CETP: variants seen among roughly 807,000 people sequenced by gnomAD.
CETP encodes BPI fold containing family F.
CETP carries 56 observed loss-of-function variants against 66.5 expected under a neutral mutation model. The ratio of observed to expected loss-of-function variants is 0.84; its 90% CI spans 0.68 to 1.05. CETP has a LOEUF of 1.05. Among genes scored for constraint, CETP ranks in the 50% least tolerant of loss-of-function variants. The pLI, the probability that CETP is intolerant of heterozygous loss-of-function variation, is 0.00. For missense variants in CETP, 612 were observed against 609.6 expected, an observed-to-expected ratio of 1.00 and a Z score of -0.04; for synonymous variants, 251 against 245.7, an observed-to-expected ratio of 1.02 and a Z score of -0.20.
intron 10 of CETP, among the ~76,000 whole-genome samples, chr16:56,977,276 T>C (rs2142003307): frequency 6.6e-6 from 1 of 152,272 alleles, no homozygotes; most frequent in African/African-American, 2.4e-5. Context: ...ATCCAGCGGT[T>C]CAGTGGTTTC....
chr16:56,966,264 C>G (rs190712001), intron 2 of CETP, among the ~76,000 whole-genome samples: 1 of 152,284 alleles, frequency 6.6e-6, no homozygotes, highest in African/African-American at 2.4e-5. Context: ...TTCCCCCATT[C>G]CTTGGCTTCC....
At position 56,978,192 on chromosome 16, in the gene CETP, G is replaced by A. The variant is rs749487723; in HGVS notation, c.1083G>A (p.Val361=). The A allele has an allele frequency of 1.2e-6, 2 of 1,614,252 alleles. No homozygotes were observed. The highest frequency in any genetic ancestry group is 4.5e-5 in the East Asian group (2 of 44,888). ...QNKGVVVNSS[V]MVKFLFPRPD... ...AGGGAGTCGTGGTCAATTCTTCAGT[G>A]ATGGTGAAATTCCTCTTTCCACGCC... Residue 361 remains valine (V), a synonymous_variant, in exon 11 of 16, where the codon GTG becomes GTA. Coordinates refer to ENST00000200676, the MANE Select transcript of CETP (RefSeq NM_000078.3).
At chr16:56,981,834 C>T (rs571234263) in intron 13 of CETP, among the ~76,000 whole-genome samples, 154 bp downstream of exon 13, 10 of 152,128 alleles carry the variant, frequency 6.6e-5, no homozygotes, top group Non-Finnish European at 1.2e-4. Context: ...CCTTCTTCTC[C>T]CTGCCATGTC....
At chr16:56,975,895 T>C (rs2056146876) in intron 10 of CETP, among the ~76,000 whole-genome samples, 1 of 152,196 alleles carries the variant, frequency 6.6e-6, no homozygotes, top group Admixed American at 6.5e-5. Context: ...CCCACGTCGC[T>C]GCTCCCAGTC....
chr16:56,976,522 A>G (rs1205742962), intron 10 of CETP, among the ~76,000 whole-genome samples: 1 of 149,928 alleles, frequency 6.7e-6, no homozygotes, highest in Admixed American at 6.7e-5. Context: ...CCCAGGCTGG[A>G]GTGCAGTAGC....
Position 56,969,484 on chromosome 16 carries a change from A to G in CETP, c.332A>G (p.Lys111Arg), listed in dbSNP as rs1301377312. Residue 111 changes from lysine (K) to arginine (R), a missense_variant, in exon 3 of 16, where the codon AAG becomes AGG. Transcript: ENST00000200676. Reference protein sequence around the residue: ...VSIQNVSVVFKGTLKYGYTTA... With the variant: ...VSIQNVSVVFRGTLKYGYTTA... ...ATTCAGAACGTGTCTGTGGTCTTCAAGGGGACCCTGAAGTATGGCTACACC... is the reference window on the plus strand; with the variant it reads ...ATTCAGAACGTGTCTGTGGTCTTCAGGGGGACCCTGAAGTATGGCTACACC... The G allele has an allele frequency of 1.2e-6, 2 of 1,614,074 alleles. No homozygotes were observed. The highest frequency in any genetic ancestry group is 1.7e-6 in the Non-Finnish European group (2 of 1,180,032).
At position 56,981,535 on chromosome 16, in the gene CETP, C is replaced by G. The variant is rs7197340; in HGVS notation, c.1215-112C>G. On this transcript the variant is annotated intron_variant, in intron 12 of 15. Transcript: ENST00000200676. ...AATCTCAAGAGAGTGCCCCAAAGGG[C>G]CTGAGCTATGAGACAGAAGCACTGG... 3.8e-3 allele frequency: 4,850 copies of G among 1,278,556 alleles called. 150 individuals carry two copies. In the African/African-American group the frequency reaches 0.062, roughly 16 times the overall value. 79.2% of individuals were successfully genotyped at this position (1,278,556 alleles called of 1,614,324 possible).
At chr16:56,962,497 C>A in intron 1 of CETP, 1 of 425,234 alleles carries the variant, frequency 2.4e-6, no homozygotes. Context: ...GCCATGAGCT[C>A]AGGTGACGGA....
intron 10 of CETP, 72 bp from the exon 11 acceptor site, chr16:56,978,019 A>G: frequency 1.9e-6 from 3 of 1,572,906 alleles, no homozygotes; most frequent in East Asian, 2.2e-5. Flanking sequence ...TGTCCTTCCC[A>G]TCTCCGAGGG....
Position 56,983,786 on chromosome 16 carries a change from T to C in CETP, c.*120T>C, listed in dbSNP as rs1209247495. 4 of 936,924 alleles carry C rather than the reference T, an allele frequency of 4.3e-6. No homozygotes were observed. Among genetic ancestry groups the C allele is most frequent in the Non-Finnish European group, 7.0e-6 (4 of 572,546 alleles). 58.0% of individuals were successfully genotyped at this position (936,924 alleles called of 1,614,324 possible). On this transcript the variant is annotated 3_prime_UTR_variant, in exon 16 of 16. Transcript: ENST00000200676. Reference sequence around the variant, plus strand: ...TGGGTTAGGAGTACGGAGATGGAGATTGGCTCCCAACTCCTCCCTATCCTA... The same window carrying C: ...TGGGTTAGGAGTACGGAGATGGAGACTGGCTCCCAACTCCTCCCTATCCTA...
intron 11 of CETP, 53 bp from the exon 12 acceptor site, chr16:56,981,105 T>C: frequency 7.4e-7 from 1 of 1,354,070 alleles, no homozygotes; most frequent in Non-Finnish European, 1.1e-6. Flanking sequence ...GGAGGGTTGC[T>C]CTCTGCTTCG....
At chr16:56,980,853 T>C (rs111995072) in intron 11 of CETP, among the ~76,000 whole-genome samples, 2 of 152,256 alleles carry the variant, frequency 1.3e-5, no homozygotes, top group African/African-American at 4.8e-5. Context: ...ACCTGGGACG[T>C]GGAGGTTGCA....
intron 4 of CETP, 78 bp from the exon 5 acceptor site, chr16:56,969,836 T>C: frequency 1.0e-5 from 16 of 1,560,690 alleles, no homozygotes; most frequent in Non-Finnish European, 1.4e-5. Context: ...CTGGCCAAGC[T>C]CTTGACTGGC....
rs1384817220 is a variant in CETP, at chr16:56,979,073, C to T, written c.1146+818C>T. On this transcript the variant is annotated intron_variant, in intron 11 of 15. Transcript: ENST00000200676. ...GACTCCTGGTTTCAAGTGATCTGCC[C>T]GCCTCAGCCTCCCAAAGTGCTGGGA... is the stretch of plus-strand genomic sequence containing the variant. 2.6e-5 allele frequency among the ~76,000 whole-genome samples: 4 copies of T among 151,764 alleles called. No homozygotes were observed. The South Asian group carries it at 6.2e-4, about 24-fold the overall frequency.
intron 10 of CETP, among the ~76,000 whole-genome samples, chr16:56,976,087 C>G (rs1020745489): frequency 6.6e-6 from 1 of 152,188 alleles, no homozygotes; most frequent in Non-Finnish European, 1.5e-5. Context: ...CTCCCTTAGC[C>G]CCTTGTCTGA....
Position 56,971,020 on chromosome 16 carries a change from T to C in CETP, c.528-13T>C, listed in dbSNP as rs200704071. On this transcript the variant is annotated splice_polypyrimidine_tract_variant and intron_variant, in intron 5 of 15. Coordinates refer to ENST00000200676, the MANE Select transcript of CETP (RefSeq NM_000078.3). ...ACTGGTCAGGGGCTCATTGTGGTGC[T>C]TGCTGCCTTCAGGCCTGGGTGGATC... 36 of 1,614,068 alleles carry C rather than the reference T, an allele frequency of 2.2e-5. No homozygotes were observed. Among genetic ancestry groups the C allele is most frequent in the Non-Finnish European group, 3.1e-5 (36 of 1,179,930 alleles).
chr16:56,972,089 A>G lies in CETP; in HGVS notation c.750+6A>G. The G allele has an allele frequency of 6.2e-7, 1 of 1,609,250 alleles. No individual in the cohort carries two copies. Among genetic ancestry groups the G allele is most frequent in the Non-Finnish European group, 8.5e-7 (1 of 1,175,694 alleles). Reference sequence around the variant, plus strand: ...ACCTGGAGTCCCATCACAAGGTAGGAGTTGTGGGAGGGTGGGGCAGGGCCC... The same window carrying G: ...ACCTGGAGTCCCATCACAAGGTAGGGGTTGTGGGAGGGTGGGGCAGGGCCC... On this transcript the variant is annotated splice_donor_region_variant and intron_variant, in intron 8 of 15. Transcript: ENST00000200676.
In CETP at chr16:56,969,529, T is replaced by A. The variant is rs1160511200; in HGVS notation, c.368+9T>A. On this transcript the variant is annotated intron_variant, in intron 3 of 15. Transcript: ENST00000200676. The stretch of plus-strand genomic sequence containing the variant: ...TACACCACTGCCTGGTGGTAAGCAT[T>A]CCTGTCAGCTGATGCCCCATGCCCT... 6.2e-7 allele frequency: 1 copy of A among 1,614,104 alleles called. No individual in the cohort carries two copies. Among genetic ancestry groups the A allele is most frequent in the African/African-American group, 1.3e-5 (1 of 74,938 alleles).
intron 2 of CETP, among the ~76,000 whole-genome samples, chr16:56,967,740 AAATTAGAG>A (rs1475821369): frequency 6.6e-6 from 1 of 152,054 alleles, no homozygotes; most frequent in East Asian, 1.9e-4. Flanking sequence ...GTCTAATTCT[AAATTAGAG>A]CATTTAGAAT....
Sources: allele counts gnomAD v4.1 joint callset (sites outside exome capture counted in the v4.1 genomes callset), GRCh38; gene constraint gnomAD v4.1.1; transcripts MANE v1.5; gene names NCBI Gene and HGNC (gene_info 2026-07-23, HGNC 2026-07-21).